The following DNAI4 variants were observed in gnomAD, a reference collection of about 807,000 sequenced individuals.
DNAI4 encodes the protein dynein axonemal intermediate chain 4.
Under a neutral mutation model 105.8 loss-of-function variants are expected in DNAI4, and 85 were observed. The ratio of observed to expected loss-of-function variants is 0.80; its 90% CI spans 0.67 to 0.96. DNAI4 has a LOEUF of 0.96. Among genes scored for constraint, DNAI4 ranks in the 40% least tolerant of loss-of-function variants. The pLI, the probability that DNAI4 is intolerant of heterozygous loss-of-function variation, is 0.00. For missense variants in DNAI4, 1,014 were observed against 1,005.6 expected (o/e 1.01, Z -0.11); for synonymous variants, 352 against 331.5 (o/e 1.06, Z -0.67).
At position 66,871,742 on chromosome 1, in the gene DNAI4, A is replaced by G. The variant is rs1004932880; in HGVS notation, c.801-233T>C. ...CTACTACTATCGGTACCTTATCAAT[A>G]ACATGCTAGTACTAACTCCATGTAG... is the stretch of plus-strand genomic sequence containing the variant. On this transcript the variant is annotated intron_variant, in intron 5 of 16. Transcript: ENST00000371026. Among the ~76,000 whole-genome samples the G allele has an allele frequency of 2.0e-5, 3 of 152,216 alleles. No homozygotes were observed. In the East Asian group the frequency reaches 5.8e-4, roughly 29 times the overall value.
chr1:66,846,481 G>A (rs1192834362), intron 8 of DNAI4, among the ~76,000 whole-genome samples: 1 of 152,132 alleles, frequency 6.6e-6, no homozygotes, highest in Admixed American at 6.5e-5. Flanking sequence ...AGACTGTCAA[G>A]CAAATTCCAA....
intron 7 of DNAI4, among the ~76,000 whole-genome samples, chr1:66,851,235 A>T (rs1162135520): frequency 6.6e-6 from 1 of 151,964 alleles, no homozygotes; most frequent in East Asian, 1.9e-4. Context: ...AGAACAAAGA[A>T]AATTACCAGG....
chr1:66,923,300 T>C (rs1650686258), intron 1 of DNAI4, among the ~76,000 whole-genome samples: 1 of 152,214 alleles, frequency 6.6e-6, no homozygotes, highest in Admixed American at 6.5e-5. Context: ...TACTATACAA[T>C]TGTAGCCTAG....
intron 16 of DNAI4, among the ~76,000 whole-genome samples, chr1:66,821,424 G>T (rs1377973590): frequency 6.6e-6 from 1 of 152,160 alleles, no homozygotes; most frequent in Non-Finnish European, 1.5e-5. Context: ...TAACAGTCTT[G>T]ATTCAGATTG....
In DNAI4 at chr1:66,891,166, T is replaced by C. The variant is rs752320016; in HGVS notation, c.631A>G (p.Thr211Ala). Residue 211 changes from threonine (T) to alanine (A), a missense_variant, in exon 4 of 17, where the codon ACT becomes GCT. Thr to Ala is a moderately conservative substitution (Grantham distance 58, BLOSUM62 0). Transcript: ENST00000371026. ...ATATTTTCATTACCTGTGAAACTAG[T>C]CAATCTTTCCCGTTTATAGGATGGT... ...EEPSYKRERLTSFTDLQVIRA... is the reference protein window; with the variant it reads ...EEPSYKRERLASFTDLQVIRA... 6.2e-7 allele frequency: 1 copy of C among 1,610,652 alleles called. No individual in the cohort carries two copies. Among genetic ancestry groups the C allele is most frequent in the Admixed American group, 1.7e-5 (1 of 60,026 alleles).
chr1:66,862,215 G>C lies in DNAI4; in HGVS notation c.1028C>G (p.Ser343Ter). 6.2e-7 allele frequency: 1 copy of C among 1,608,024 alleles called. No individual in the cohort carries two copies. ...AGGAAGTACATTTGCTTTACTACTT[G>C]ACTCAACCACAGATTGTTTTACTGA... ...SLSVKQSVVE[S>*]SSKANVLPKD... is the part of the protein sequence containing the mutation. The change falls in exon 7 of 17, where the codon TCA (serine) becomes TGA (stop). Residue 343 changes from serine (S) to a stop codon, truncating the protein, a stop_gained. Coordinates refer to ENST00000371026, the MANE Select transcript of DNAI4 (RefSeq NM_024763.5). LOFTEE classifies it high-confidence loss of function.
intron 4 of DNAI4, among the ~76,000 whole-genome samples, chr1:66,889,579 G>A (rs1407677896): frequency 1.3e-5 from 2 of 152,078 alleles, no homozygotes; most frequent in African/African-American, 4.8e-5. Context: ...AGTCATTCCT[G>A]TTACATCCCC....
At chr1:66,835,512 T>C in intron 11 of DNAI4, 114 bp downstream of exon 11, 1 of 1,100,066 alleles carries the variant, frequency 9.1e-7, no homozygotes, top group Non-Finnish European at 1.3e-6. Flanking sequence ...GTTTCAAAAA[T>C]AATGGTATCA....
chr1:66,855,937 C>T (rs1386240023), intron 7 of DNAI4, among the ~76,000 whole-genome samples: 2 of 152,034 alleles, frequency 1.3e-5, no homozygotes, highest in South Asian at 2.1e-4. Context: ...CAGGTTCAAG[C>T]GATTCTCCTG....
intron 1 of DNAI4, among the ~76,000 whole-genome samples, chr1:66,923,084 T>G (rs1459244867): frequency 3.3e-5 from 5 of 152,192 alleles, no homozygotes; most frequent in Admixed American, 3.3e-4. Context: ...GTCACAACAT[T>G]CAAGCACAAG....
At chr1:66,861,145 G>T (rs1646617203) in intron 7 of DNAI4, among the ~76,000 whole-genome samples, 1 of 152,204 alleles carries the variant, frequency 6.6e-6, no homozygotes, top group South Asian at 2.1e-4. Context: ...TTATAAATAA[G>T]GGAATTGTTT....
intron 4 of DNAI4, among the ~76,000 whole-genome samples, chr1:66,877,145 T>G (rs1464041162): frequency 6.6e-6 from 1 of 152,216 alleles, no homozygotes; most frequent in African/African-American, 2.4e-5. Flanking sequence ...CTATGAAGCC[T>G]TCCTTGGCCT....
chr1:66,871,166 A>G (rs765826991), intron 6 of DNAI4: 1 of 477,462 alleles, frequency 2.1e-6, no homozygotes, highest in Non-Finnish European at 3.6e-6. Context: ...CAAGATGAAT[A>G]ATTATGTTAT....
intron 4 of DNAI4, among the ~76,000 whole-genome samples, chr1:66,880,089 T>A (rs1647036595): frequency 6.6e-6 from 1 of 152,194 alleles, no homozygotes. Flanking sequence ...CATGCCACCA[T>A]CCACATGAGA....
chr1:66,817,420 A>G (rs1376688889), intron 16 of DNAI4, among the ~76,000 whole-genome samples: 1 of 152,130 alleles, frequency 6.6e-6, no homozygotes, highest in Non-Finnish European at 1.5e-5. Flanking sequence ...AAAATATACA[A>G]AAATTAGTTG....
intron 4 of DNAI4, among the ~76,000 whole-genome samples, chr1:66,883,300 C>T (rs772750157): frequency 2.0e-4 from 29 of 146,812 alleles, no homozygotes; most frequent in East Asian, 1.4e-3. Context: ...TTTTTTGAGA[C>T]GGAGTTTCAC....
chr1:66,817,465 TG>T (rs1322962147), intron 16 of DNAI4, among the ~76,000 whole-genome samples: 1 of 151,948 alleles, frequency 6.6e-6, no homozygotes, highest in East Asian at 1.9e-4. Context: ...CCCAGCTACT[TG>T]GGAGGCTGAG....
chr1:66,847,634 C>T lies in DNAI4; in HGVS notation c.1141G>A (p.Ala381Thr). 1 of 1,613,064 alleles carries T rather than the reference C, an allele frequency of 6.2e-7. No individual in the cohort carries two copies. ...TCTTCCTCATCTTCATGGATTTTTG[C>T]CAGAATTACATTTTCTATGTCCATT... ...SLMDIENVIL[A>T]KIHEDEEDHS... Residue 381 changes from alanine to threonine, a missense_variant, in exon 8 of 17, where the codon GCA becomes ACA. Physicochemically the swap from Ala to Thr is moderately conservative, Grantham distance 58 (BLOSUM62 0). Coordinates refer to ENST00000371026, the MANE Select transcript of DNAI4 (RefSeq NM_024763.5).
At chr1:66,885,188 C>T (rs965576590) in intron 4 of DNAI4, among the ~76,000 whole-genome samples, 7 of 152,190 alleles carry the variant, frequency 4.6e-5, no homozygotes, top group African/African-American at 1.7e-4. Context: ...TTGCTATTGT[C>T]ATCTGAGCAC....
Sources: gnomAD v4.1 joint callset for allele counts (sites outside exome capture counted in the v4.1 genomes callset) on GRCh38, gnomAD v4.1.1 for gene constraint, MANE v1.5 for transcripts, NCBI Gene and HGNC (gene_info 2026-07-23, HGNC 2026-07-21) for gene names.